The following COL12A1 variants were observed in gnomAD, a reference collection of about 807,000 sequenced individuals.
The protein encoded by COL12A1 is collagen type XII alpha 1 chain.
COL12A1 carries 114 observed loss-of-function variants against 349.7 expected under a neutral mutation model. That is an observed-to-expected ratio of 0.33 (90% confidence interval 0.28 to 0.38). COL12A1 has a LOEUF of 0.38. COL12A1 is among the 10% of genes least tolerant of loss of function. COL12A1 has a pLI of 1.00. For missense variants in COL12A1, 3,284 were observed against 3,756.9 expected (o/e 0.87, Z 3.29); for synonymous variants, 1,369 against 1,329.0 (o/e 1.03, Z -0.66).
Position 75,148,426 on chromosome 6 carries a change from G to T in COL12A1, c.4219C>A (p.Pro1407Thr), listed in dbSNP as rs759244079. ...TATCGATCCACACTGTCAGAAGGTGGTGTCCAGCTCACTCTAAAAGAACGA... is the reference window on the plus strand; with the variant it reads ...TATCGATCCACACTGTCAGAAGGTGTTGTCCAGCTCACTCTAAAAGAACGA... ...THRSFRVSWTPPSDSVDRYKV... is the reference protein window; with the variant it reads ...THRSFRVSWTTPSDSVDRYKV... Residue 1407 changes from proline to threonine, a missense_variant, in exon 22 of 66, where the codon CCA becomes ACA. Physicochemically the swap from Pro to Thr is conservative, Grantham distance 38. Around this residue, in one of 2 missense-constraint regions of COL12A1, gnomAD observed 2,601 missense variants for 2,824.8 expected, o/e 0.92. Transcript: ENST00000322507. 1 of 1,613,500 alleles carries T rather than the reference G, an allele frequency of 6.2e-7. No homozygotes were observed. The highest frequency in any genetic ancestry group is 1.1e-5 in the South Asian group (1 of 91,058).
At chr6:75,115,750 T>C in intron 49 of COL12A1, 34 bp downstream of exon 49, 4 of 1,567,410 alleles carry the variant, frequency 2.6e-6, no homozygotes, top group Admixed American at 2.0e-5. Context: ...TTGCAGGTCT[T>C]AAGAAAAGGA....
At chr6:75,148,307 G>C in intron 22 of COL12A1, 51 bp downstream of exon 22, 3 of 1,572,614 alleles carry the variant, frequency 1.9e-6, no homozygotes, top group Non-Finnish European at 2.6e-6. Flanking sequence ...CTAATGAGGA[G>C]GACCCAATCT....
intron 14 of COL12A1, among the ~76,000 whole-genome samples, chr6:75,157,992 A>G (rs1767845243): frequency 6.6e-6 from 1 of 152,208 alleles, no homozygotes; most frequent in Non-Finnish European, 1.5e-5. Flanking sequence ...TTTCCAAGTA[A>G]CTTAACTGTA....
intron 34 of COL12A1, among the ~76,000 whole-genome samples, 165 bp downstream of exon 34, chr6:75,133,128 C>T (rs917804489): frequency 1.6e-4 from 25 of 152,294 alleles, no homozygotes; most frequent in African/African-American, 6.0e-4. Flanking sequence ...TTATTTCACA[C>T]AAAATGTTAA....
At chr6:75,161,792 A>T (rs566003946) in intron 14 of COL12A1, among the ~76,000 whole-genome samples, 1 of 152,352 alleles carries the variant, frequency 6.6e-6, no homozygotes, top group Admixed American at 6.5e-5. Flanking sequence ...TAAGCTGATA[A>T]GCAACTTCAG....
intron 37 of COL12A1, among the ~76,000 whole-genome samples, chr6:75,129,360 A>G (rs752609185): frequency 2.6e-5 from 4 of 152,234 alleles, no homozygotes; most frequent in African/African-American, 4.8e-5. Context: ...AAGACGATCT[A>G]TGTGGTAAAA....
chr6:75,184,829 G>C (rs773380344), intron 8 of COL12A1, among the ~76,000 whole-genome samples: 1 of 152,144 alleles, frequency 6.6e-6, no homozygotes, highest in African/African-American at 2.4e-5. Context: ...GACAGTTAAC[G>C]TAAAGTATTT....
chr6:75,108,977 T>C (rs1443900333), intron 52 of COL12A1, 41 bp downstream of exon 52: 1 of 1,575,950 alleles, frequency 6.3e-7, no homozygotes, highest in African/African-American at 1.4e-5. Context: ...CATTTCAATC[T>C]TAACACAAGG....
intron 42 of COL12A1, 54 bp from the exon 43 acceptor site, chr6:75,123,458 C>T: frequency 7.3e-7 from 1 of 1,374,448 alleles, no homozygotes; most frequent in Non-Finnish European, 9.9e-7. Flanking sequence ...ATTTGATATC[C>T]CAGAAAGTAA....
chr6:75,162,436 T>C (rs1017588317), intron 14 of COL12A1, among the ~76,000 whole-genome samples: 1 of 152,118 alleles, frequency 6.6e-6, no homozygotes, highest in Admixed American at 6.6e-5. Flanking sequence ...ATAAATGGTG[T>C]TGGGAAAACT....
intron 13 of COL12A1, among the ~76,000 whole-genome samples, chr6:75,172,309 A>T (rs1768678616): frequency 1.3e-5 from 2 of 152,244 alleles, no homozygotes; most frequent in Non-Finnish European, 2.9e-5. Context: ...AATTTGTAAT[A>T]TATTATTCTT....
chr6:75,177,304 G>A (rs1769011948), intron 12 of COL12A1, among the ~76,000 whole-genome samples: 2 of 152,024 alleles, frequency 1.3e-5, no homozygotes, highest in South Asian at 4.2e-4. Context: ...GGGTGTAGTT[G>A]CACGCGCCTG....
At chr6:75,194,326 A>C (rs899195876) in intron 3 of COL12A1, among the ~76,000 whole-genome samples, 2 of 152,182 alleles carry the variant, frequency 1.3e-5, no homozygotes, top group Non-Finnish European at 2.9e-5. Context: ...TTAGTTTTCC[A>C]AGGATTCAGC....
chr6:75,146,416 AT>A, intron 23 of COL12A1, 172 bp from the exon 24 acceptor site: 1 of 574,040 alleles, frequency 1.7e-6, no homozygotes. Flanking sequence ...TCCAATTTAC[AT>A]TGCTCATTGC....
chr6:75,132,009 A>C lies in COL12A1; in HGVS notation c.5868T>G (p.Pro1956=). The C allele has an allele frequency of 6.2e-7, 1 of 1,614,168 alleles. No homozygotes were observed. ...TPNSLDVRWD[P]APGPVLQYRV... ...GATATTGCAGCACAGGTCCTGGAGC[A>C]GGGTCCCAGCGAACATCGAGGCTGT... Residue 1956 remains proline (P), a synonymous_variant, in exon 35 of 66, where the codon CCT becomes CCG. Coordinates refer to ENST00000322507, the MANE Select transcript of COL12A1 (RefSeq NM_004370.6).
chr6:75,165,032 T>A (rs1018983846), intron 14 of COL12A1, among the ~76,000 whole-genome samples: 1 of 152,190 alleles, frequency 6.6e-6, no homozygotes, highest in African/African-American at 2.4e-5. Flanking sequence ...ATCAATCATC[T>A]CTAAGTGGCT....
In COL12A1 at chr6:75,097,267, G is replaced by A. The variant is rs1226171594; in HGVS notation, c.8563C>T (p.Pro2855Ser). The A allele has an allele frequency of 3.1e-6, 5 of 1,613,796 alleles. No homozygotes were observed. The Admixed American group carries it at 8.3e-5, about 27-fold the overall frequency. The stretch of plus-strand genomic sequence containing the variant: ...TTAGTTCTTACCGGCGGCCCTGGTG[G>A]GCCCCTGGGTCCCATTGCACCGTCT... The part of the protein sequence containing the change: ...GKDGAMGPRG[P>S]PGPPGSPGSP... Residue 2855 changes from proline (P) to serine (S), a missense_variant, in exon 59 of 66, where the codon CCA becomes TCA. By Grantham distance (74) the Pro-to-Ser change is moderately conservative. Transcript: ENST00000322507.
At chr6:75,202,619 G>A (rs1770588300) in intron 2 of COL12A1, 101 bp downstream of exon 2, 1 of 1,168,670 alleles carries the variant, frequency 8.6e-7, no homozygotes, top group Non-Finnish European at 1.2e-6. Context: ...AAAGCACGAA[G>A]CGCAGGGAAA....
chr6:75,101,397 CCCCTGGAGT>C (rs1011574908), intron 58 of COL12A1, among the ~76,000 whole-genome samples, 194 bp downstream of exon 58: 2 of 152,174 alleles, frequency 1.3e-5, no homozygotes, highest in Non-Finnish European at 2.9e-5. Flanking sequence ...TTCAAAGACT[CCCCTGGAGT>C]CCCACCACTT....
Sources: allele counts gnomAD v4.1 joint callset (sites outside exome capture counted in the v4.1 genomes callset), GRCh38; gene constraint gnomAD v4.1.1; regional missense constraint gnomAD v4.1.1; transcripts MANE v1.5; gene names NCBI Gene and HGNC (gene_info 2026-07-23, HGNC 2026-07-21).